The following APPL2 variants were observed in gnomAD, a reference collection of about 807,000 sequenced individuals.
APPL2 encodes the protein adaptor protein, phosphotyrosine interacting with PH domain and leucine zipper 2.
In APPL2, 84 loss-of-function variants were observed where a neutral mutation model predicts 92.7. The observed-to-expected ratio is 0.91, with a 90% confidence interval of 0.76 to 1.09. The LOEUF (loss-of-function observed/expected upper bound fraction) is 1.09, where lower values mean the gene tolerates loss of function less well. APPL2 is among the 50% of genes least tolerant of loss of function. The pLI is 0.00. For missense variants in APPL2, 736 were observed against 824.5 expected (o/e 0.89, Z 1.31); for synonymous variants, 291 against 291.0 (o/e 1.00, Z 0.00).
Position 105,174,882 on chromosome 12 carries a change from G to GTT in APPL2, c.1861-435_1861-434insAA, listed in dbSNP as rs1566042521. Among the ~76,000 whole-genome samples, 14 of 108,302 alleles carry GTT rather than the reference G, an allele frequency of 1.3e-4. 1 individual carries two copies. In the South Asian group the frequency reaches 4.3e-3, roughly 33 times the overall value. 71.1% of individuals were successfully genotyped at this position (108,302 alleles called of 152,430 possible). ...TGCTGCTGCTTTTTTTTGGTGGGGGGGGGGGTGGTGCGGCGGTTGGAGACA... is the reference window on the plus strand; with the variant it reads ...TGCTGCTGCTTTTTTTTGGTGGGGGGTTGGGGGTGGTGCGGCGGTTGGAGACA... On this transcript the variant is annotated intron_variant, in intron 20 of 20. Coordinates refer to ENST00000258530, the MANE Select transcript of APPL2 (RefSeq NM_018171.5).
Position 105,199,390 on chromosome 12 carries a change from A to ACCAGCCTTCTGGATGAGGTT in APPL2, c.826_845dup (p.Tyr283ThrfsTer46). On this transcript the variant is annotated frameshift_variant, in exon 10 of 21. Coordinates refer to ENST00000258530, the MANE Select transcript of APPL2 (RefSeq NM_018171.5). LOFTEE classifies it high-confidence loss of function. ...GTTCTCACTTTCTAAGATTAAGGTAACCAGCCTTCTGGATGAGGTTCCTGT... is the reference window on the plus strand; with the variant it reads ...GTTCTCACTTTCTAAGATTAAGGTAACCAGCCTTCTGGATGAGGTTCCAGCCTTCTGGATGAGGTTCCTGT... 1 of 1,613,162 alleles carries ACCAGCCTTCTGGATGAGGTT rather than the reference A, an allele frequency of 6.2e-7. No individual in the cohort carries two copies. Among genetic ancestry groups the ACCAGCCTTCTGGATGAGGTT allele is most frequent in the African/African-American group, 1.3e-5 (1 of 75,010 alleles).
chr12:105,192,537 A>C (rs560749288), intron 14 of APPL2, among the ~76,000 whole-genome samples: 11 of 147,090 alleles, frequency 7.5e-5, no homozygotes, highest in Non-Finnish European at 1.5e-4. Context: ...CCTCAGATAT[A>C]CTAAGATCTT....
At chr12:105,200,178 C>T (rs1461668317) in intron 9 of APPL2, among the ~76,000 whole-genome samples, 1 of 152,168 alleles carries the variant, frequency 6.6e-6, no homozygotes, top group Non-Finnish European at 1.5e-5. Flanking sequence ...TATCCATGCT[C>T]AGCACCGTTG....
In APPL2 at chr12:105,197,815, A is replaced by G. The variant is rs140225839; in HGVS notation, c.1002T>C (p.Asp334=). The G allele has an allele frequency of 3.3e-3, 5,300 of 1,614,196 alleles. 9 individuals carry two copies. Among genetic ancestry groups the G allele is most frequent in the Non-Finnish European group, 4.0e-3 (4,763 of 1,180,040 alleles). Residue 334 remains aspartate, a synonymous_variant, in exon 11 of 21, where the codon GAT becomes GAC. Coordinates refer to ENST00000258530, the MANE Select transcript of APPL2 (RefSeq NM_018171.5). ...DLDNCSVMAV[D]CEDRRYCFQI... The stretch of plus-strand genomic sequence containing the variant: ...GGAAGCAGTAGCGCCGGTCTTCGCA[A>G]TCCACGGCCATCACTGAGCAGTTGT...
chr12:105,176,104 G>A, intron 19 of APPL2, 22 bp from the exon 20 acceptor site: 1 of 1,584,004 alleles, frequency 6.3e-7, no homozygotes, highest in Non-Finnish European at 8.6e-7. Flanking sequence ...AAGAAAAGTA[G>A]TGATTGGCAA....
chr12:105,178,225 C>T (rs1885741303), intron 17 of APPL2, among the ~76,000 whole-genome samples: 1 of 152,014 alleles, frequency 6.6e-6, no homozygotes, highest in African/African-American at 2.4e-5. Flanking sequence ...GTATTGTACT[C>T]GTGTTGGAAT....
chr12:105,189,099 A>G (rs987888213), intron 16 of APPL2, among the ~76,000 whole-genome samples: 3 of 151,936 alleles, frequency 2.0e-5, no homozygotes, highest in African/African-American at 7.3e-5. Context: ...GCTCACTGCA[A>G]CCTCCGCCTC....
At chr12:105,195,665 G>A (rs746593675) in intron 11 of APPL2, 38 bp from the exon 12 acceptor site, 2 of 1,608,982 alleles carry the variant, frequency 1.2e-6, no homozygotes, top group Admixed American at 3.3e-5. Flanking sequence ...GTGCTTCCCT[G>A]ATCTCAGTGA....
chr12:105,223,014 G>T (rs920884122), intron 2 of APPL2, among the ~76,000 whole-genome samples: 3 of 152,236 alleles, frequency 2.0e-5, no homozygotes, highest in Non-Finnish European at 1.5e-5. Context: ...TTCTGGGACA[G>T]CCAGCAACAA....
intron 16 of APPL2, among the ~76,000 whole-genome samples, chr12:105,189,152 A>G (rs906860336): frequency 3.3e-5 from 5 of 151,950 alleles, no homozygotes; most frequent in African/African-American, 1.2e-4. Context: ...CTGAGTAGCT[A>G]GGATTACAGG....
intron 1 of APPL2, among the ~76,000 whole-genome samples, chr12:105,231,993 G>C (rs554701387): frequency 6.6e-6 from 1 of 151,950 alleles, no homozygotes; most frequent in Admixed American, 6.6e-5. Context: ...AAAATCCCAC[G>C]GTCAGAAAGA....
chr12:105,199,682 T>C (rs1342091290), intron 9 of APPL2, 151 bp from the exon 10 acceptor site: 4 of 764,068 alleles, frequency 5.2e-6, no homozygotes, highest in Admixed American at 6.1e-5. Context: ...CCTCTACCCT[T>C]AGGCCCTGAA....
intron 16 of APPL2, 35 bp downstream of exon 16, chr12:105,189,737 G>T: frequency 6.2e-7 from 1 of 1,602,440 alleles, no homozygotes; most frequent in South Asian, 1.1e-5. Flanking sequence ...ATTTTGTGCA[G>T]AGGAAAGAAT....
chr12:105,229,132 C>T lies in APPL2; in HGVS notation c.146G>A (p.Gly49Glu), dbSNP rs1566101987. 6.2e-7 allele frequency: 1 copy of T among 1,611,342 alleles called. No homozygotes were observed. Among genetic ancestry groups the T allele is most frequent in the Admixed American group, 1.7e-5 (1 of 59,912 alleles). ...QLLQAMQRVY[G>E]AQNEMCLATQ... ...TGAGGGGTGGCAGCATACCTGGGCT[C>T]CATAGACGCGCTGCATTGCCTGGAG... The change falls in exon 2 of 21, where the codon GGA (glycine) becomes GAA (glutamate). Residue 49 changes from glycine to glutamate, a missense_variant. Physicochemically the swap from Gly to Glu is moderately conservative, Grantham distance 98 (BLOSUM62 -2). Transcript: ENST00000258530.
chr12:105,191,698 A>G (rs896622667), intron 14 of APPL2, among the ~76,000 whole-genome samples: 3 of 152,202 alleles, frequency 2.0e-5, no homozygotes, highest in African/African-American at 7.2e-5. Flanking sequence ...CATCAGCTCT[A>G]ATGGACACTT....
rs560565514 is a variant in APPL2 at position 105,203,904 on chromosome 12, C to T, written c.622-119G>A. The T allele has an allele frequency of 5.9e-5, 46 of 775,292 alleles. 1 individual carries two copies. Among genetic ancestry groups the T allele is most frequent in the South Asian group, 4.1e-4 (26 of 63,994 alleles). The allele number at this position is 775,292 out of a possible 1,614,324, so 48.0% of individuals were successfully genotyped here. A position where few individuals can be genotyped will look rare whatever the true frequency, so the allele number is the denominator to read the frequency against. On this transcript the variant is annotated intron_variant, in intron 8 of 20. Coordinates refer to ENST00000258530, the MANE Select transcript of APPL2 (RefSeq NM_018171.5). ...ACAGCTGGCTGGCCCGCCTCGCACGCGGCACTGGCAGCATCTCTACTGAGT... is the reference window on the plus strand; with the variant it reads ...ACAGCTGGCTGGCCCGCCTCGCACGTGGCACTGGCAGCATCTCTACTGAGT...
In APPL2 at chr12:105,173,374, A is replaced by G. The variant is rs1885169550; in HGVS notation, c.*940T>C. 1 of 152,642 alleles carries G rather than the reference A, an allele frequency of 6.6e-6. No individual in the cohort carries two copies. The highest frequency in any genetic ancestry group is 1.9e-4 in the East Asian group (1 of 5,202). The allele number at this position is 152,642 out of a possible 1,614,324, so 9.5% of individuals were successfully genotyped here. On this transcript the variant is annotated 3_prime_UTR_variant, in exon 21 of 21. Coordinates refer to ENST00000258530, the MANE Select transcript of APPL2 (RefSeq NM_018171.5). Reference sequence around the variant, plus strand: ...TAGTCTGTTGAACTTAGTTACAGTTAAACACACTGTACCGATTCAAAATCA... The same window carrying G: ...TAGTCTGTTGAACTTAGTTACAGTTGAACACACTGTACCGATTCAAAATCA...
intron 14 of APPL2, among the ~76,000 whole-genome samples, chr12:105,194,819 G>A (rs117591103): frequency 0.014 from 2,100 of 150,534 alleles, 20 homozygotes; most frequent in Middle Eastern, 0.038. Context: ...CAAAATAAAT[G>A]TACATATAAA....
intron 1 of APPL2, chr12:105,229,515 C>T (rs1268338660): frequency 1.1e-5 from 11 of 1,025,290 alleles, no homozygotes; most frequent in Non-Finnish European, 1.3e-5. Context: ...TCTGTTCTGA[C>T]TTTAGCCCCT....
Sources: gnomAD v4.1 joint callset for allele counts (sites outside exome capture counted in the v4.1 genomes callset) on GRCh38, gnomAD v4.1.1 for gene constraint, MANE v1.5 for transcripts, NCBI Gene and HGNC (gene_info 2026-07-23, HGNC 2026-07-21) for gene names.